The following MORN1 variants were observed in gnomAD, a reference collection of about 807,000 sequenced individuals.
MORN1 encodes the protein MORN repeat containing 1, also known as MORN repeat-containing protein 1.
Under a neutral mutation model 61.9 loss-of-function variants are expected in MORN1, and 67 were observed. The observed-to-expected ratio is 1.08, with a 90% CI of 0.89 to 1.33. The LOEUF (loss-of-function observed/expected upper bound fraction) is 1.33. Among genes scored for constraint, MORN1 ranks in the 40% most tolerant of loss-of-function variants. The probability of loss-of-function intolerance (pLI) is 0.00; values close to 1 mark genes in which losing one functional copy is unlikely to be tolerated. For missense variants in MORN1, 752 were observed against 691.2 expected, an observed-to-expected ratio of 1.09 and a Z score of -0.99; for synonymous variants, 301 against 292.0, an observed-to-expected ratio of 1.03 and a Z score of -0.31.
At chr1:2,347,195 T>TA (rs1491054276) in intron 10 of MORN1, among the ~76,000 whole-genome samples, 1 of 152,144 alleles carries the variant, frequency 6.6e-6, no homozygotes. Flanking sequence ...GTTTCCCACT[T>TA]AGAGTGGCAG....
At chr1:2,352,044 C>T in intron 10 of MORN1, 1 of 556,098 alleles carries the variant, frequency 1.8e-6, no homozygotes, top group South Asian at 1.7e-5. Flanking sequence ...AGGAATGAGT[C>T]CACCAAGACC....
intron 10 of MORN1, among the ~76,000 whole-genome samples, chr1:2,342,857 ATTT>A (rs1269852760): frequency 1.0e-5 from 1 of 100,166 alleles, no homozygotes; most frequent in Non-Finnish European, 2.1e-5. Flanking sequence ...ATTTTATTTT[ATTT>A]TATTTTATTT....
chr1:2,385,220 G>A, intron 5 of MORN1, 155 bp from the exon 6 acceptor site: 1 of 721,590 alleles, frequency 1.4e-6, no homozygotes, highest in Non-Finnish European at 2.3e-6. Flanking sequence ...GCCTCGCCAG[G>A]GCCAGCTGGG....
At chr1:2,384,827 G>A (rs552746163) in intron 6 of MORN1, 151 bp downstream of exon 6, 3 of 643,178 alleles carry the variant, frequency 4.7e-6, no homozygotes, top group Admixed American at 3.2e-5. Flanking sequence ...TGAGGGGAGA[G>A]AGAAACTTAT....
chr1:2,350,569 T>G (rs1441993583), intron 10 of MORN1: 11 of 152,202 alleles, frequency 7.2e-5, no homozygotes, highest in Admixed American at 7.2e-4. Flanking sequence ...GGCCTGTCCC[T>G]GGGGTGGGGA....
intron 12 of MORN1, among the ~76,000 whole-genome samples, chr1:2,333,472 C>T (rs1007092610): frequency 6.6e-6 from 1 of 152,202 alleles, no homozygotes; most frequent in African/African-American, 2.4e-5. Context: ...CAGGACCGTG[C>T]CAGGGTAGGG....
At chr1:2,377,174 T>C (rs1642259936) in intron 6 of MORN1, 1 of 152,362 alleles carries the variant, frequency 6.6e-6, no homozygotes, top group African/African-American at 2.4e-5. Flanking sequence ...AGGTGTGCGG[T>C]ACGGGACACG....
intron 12 of MORN1, among the ~76,000 whole-genome samples, chr1:2,325,241 CCTCT>C (rs554530967): frequency 1.7e-5 from 2 of 115,892 alleles, no homozygotes; most frequent in Non-Finnish European, 3.5e-5. Flanking sequence ...GTTCCTTCTT[CCTCT>C]CTCTCTCTCC....
intron 6 of MORN1, chr1:2,379,365 G>A: frequency 5.6e-6 from 2 of 356,250 alleles, no homozygotes; most frequent in South Asian, 4.3e-5. Context: ...AGCCGGCGCT[G>A]GTTGGGGTGT....
chr1:2,390,704 C>G, intron 1 of MORN1: 2 of 985,228 alleles, frequency 2.0e-6, no homozygotes, highest in African/African-American at 1.7e-5. Flanking sequence ...TGAGTTCATT[C>G]CAGACCCGTT....
At position 2,322,667 on chromosome 1, in the gene MORN1, AG is replaced by A; in HGVS notation, c.1298-1089del. ...CGGGGACAGCCTCCCTGGCGGGCGG[AG>A]GAAGAGCCCCACATGGCAACGCCAC... On this transcript the variant is annotated intron_variant, in intron 13 of 13. Coordinates refer to ENST00000378531, the MANE Select transcript of MORN1 (RefSeq NM_024848.3). 6.1e-6 allele frequency: 6 copies of A among 985,342 alleles called. No individual in the cohort carries two copies. The South Asian group carries it at 2.3e-4, about 39-fold the overall frequency. The allele number at this position is 985,342 out of a possible 1,614,324, so 61.0% of individuals were successfully genotyped here. A position where few individuals can be genotyped will look rare whatever the true frequency, so the allele number is the denominator to read the frequency against.
At chr1:2,379,924 T>C (rs1642332850) in intron 6 of MORN1, among the ~76,000 whole-genome samples, 2 of 152,160 alleles carry the variant, frequency 1.3e-5, no homozygotes, top group South Asian at 4.1e-4. Flanking sequence ...GAGTTCTCTG[T>C]GCAGCCGTAT....
chr1:2,331,692 AG>A (rs1327104968), intron 12 of MORN1, among the ~76,000 whole-genome samples: 2 of 152,272 alleles, frequency 1.3e-5, no homozygotes, highest in Non-Finnish European at 1.5e-5. Flanking sequence ...TGCCTATTTT[AG>A]GGAACAGTCA....
rs1264397977 is a variant in MORN1 at position 2,357,030 on chromosome 1, C to T, written c.1036+402G>A. Among the ~76,000 whole-genome samples the T allele has an allele frequency of 5.9e-5, 9 of 152,276 alleles. No individual in the cohort carries two copies. The highest frequency in any genetic ancestry group is 5.8e-4 in the East Asian group (3 of 5,172). On this transcript the variant is annotated intron_variant, in intron 10 of 13. Transcript: ENST00000378531. This position sits in a 1 kb window ranked among gnomAD's most constrained non-coding sequence, Gnocchi z 6.3. ...CTGACCTCGAGAGAGCAGTCGGCGCCGCGGCCCCCAGAGCCATGGCCGGCG... is the reference window on the plus strand; with the variant it reads ...CTGACCTCGAGAGAGCAGTCGGCGCTGCGGCCCCCAGAGCCATGGCCGGCG...
chr1:2,386,095 T>C (rs1338604619), intron 4 of MORN1, 198 bp from the exon 5 acceptor site: 2 of 584,032 alleles, frequency 3.4e-6, no homozygotes, highest in East Asian at 2.9e-5. Context: ...GGTGAGGCTC[T>C]GAACGGGAAG....
At chr1:2,385,112 T>A (rs914096496) in intron 5 of MORN1, 47 bp from the exon 6 acceptor site, 2 of 1,538,370 alleles carry the variant, frequency 1.3e-6, no homozygotes, top group Non-Finnish European at 1.8e-6. Context: ...GGGAGCCGGG[T>A]GGTGGCAGTG....
In MORN1 at chr1:2,336,499, G is replaced by A. The variant is rs764614196; in HGVS notation, c.1220C>T (p.Pro407Leu). Reference protein sequence around the residue: ...RGGLHPRGTPPTAQEPPGGSR... With the variant: ...RGGLHPRGTPLTAQEPPGGSR... ...GCCTCCAGGAGGCTCCTGTGCCGTG[G>A]GTGGTGTCCCCCTGGGGTGCAGGCC... The change falls in exon 12 of 14, where the codon CCC becomes CTC. Residue 407 changes from proline (P) to leucine (L), a missense_variant. Coordinates refer to ENST00000378531, the MANE Select transcript of MORN1 (RefSeq NM_024848.3). 1 of 1,612,676 alleles carries A rather than the reference G, an allele frequency of 6.2e-7. No individual in the cohort carries two copies. Among genetic ancestry groups the A allele is most frequent in the Admixed American group, 1.7e-5 (1 of 59,998 alleles).
At chr1:2,331,185 T>C (rs140977567) in intron 12 of MORN1, among the ~76,000 whole-genome samples, 3,409 of 152,192 alleles carry the variant, frequency 0.022, 54 homozygotes, top group Non-Finnish European at 0.033. Flanking sequence ...ATGGGGCACA[T>C]GGTGAGGCAG....
At chr1:2,353,680 G>T (rs1448492490) in intron 10 of MORN1, among the ~76,000 whole-genome samples, 3 of 152,240 alleles carry the variant, frequency 2.0e-5, no homozygotes, top group Non-Finnish European at 4.4e-5. Flanking sequence ...CCTGGCCGGA[G>T]TCCCCGATCC....
Sources: gnomAD v4.1 joint callset for allele counts (sites outside exome capture counted in the v4.1 genomes callset) on GRCh38, gnomAD v4.1.1 for gene constraint, Gnocchi (gnomAD v3.1) non-coding constraint, MANE v1.5 for transcripts, NCBI Gene and HGNC (gene_info 2026-07-23, HGNC 2026-07-21) for gene names.